RNF166: variants seen among roughly 807,000 people sequenced by gnomAD.
RNF166 encodes ring finger protein 166.
A neutral mutation model predicts 29.4 loss-of-function variants in RNF166; 19 were observed. The ratio of observed to expected loss-of-function variants is 0.65; its 90% CI spans 0.45 to 0.95. RNF166 has a LOEUF of 0.95. Ranked by LOEUF, RNF166 falls within the 40% of genes least tolerant of loss-of-function variation. The pLI, the probability that RNF166 is intolerant of heterozygous loss-of-function variation, is 0.00. For missense variants in RNF166, 347 were observed against 322.1 expected (o/e 1.08, Z -0.59); for synonymous variants, 171 against 134.5 (o/e 1.27, Z -1.88).
chr16:88,702,655 C>A, intron 1 of RNF166: 1 of 975,300 alleles, frequency 1.0e-6, no homozygotes. Context: ...GAGCCACCAC[C>A]TGGCTGGTGG....
chr16:88,700,385 T>C (rs991404281), intron 2 of RNF166, among the ~76,000 whole-genome samples: 1 of 152,072 alleles, frequency 6.6e-6, no homozygotes, highest in Non-Finnish European at 1.5e-5. Context: ...GTTCTGATCC[T>C]TTCTGGCTGC....
In RNF166 at chr16:88,706,278, C is replaced by T; in HGVS notation, c.48G>A (p.Pro16=). Residue 16 remains proline, a synonymous_variant, in exon 1 of 6, where the codon CCG becomes CCA. Coordinates refer to ENST00000312838, the MANE Select transcript of RNF166 (RefSeq NM_178841.4). The part of the protein sequence containing the change: ...SLVASAQQRQ[P]PAGPAGGDSG... ...TGTCGCCGCCCGCCGGCCCGGCCGG[C>T]GGCTGCCGCTGCTGAGCCGAGGCCA... The T allele has an allele frequency of 5.4e-6, 7 of 1,295,620 alleles. No homozygotes were observed. The highest frequency in any genetic ancestry group is 6.9e-6 in the Non-Finnish European group (7 of 1,020,722). 80.3% of individuals were successfully genotyped at this position (1,295,620 alleles called of 1,614,324 possible).
chr16:88,704,146 C>G (rs978776082), intron 1 of RNF166: 4 of 985,366 alleles, frequency 4.1e-6, no homozygotes, highest in Admixed American at 1.2e-4. Flanking sequence ...GGTTGGGGAG[C>G]TTGCGGAGGG....
chr16:88,700,969 C>T (rs1910155881), intron 2 of RNF166: 2 of 1,288,144 alleles, frequency 1.6e-6, no homozygotes, highest in African/African-American at 3.1e-5. Context: ...AGCTCAGCCC[C>T]CTGGTCCTTA....
At chr16:88,703,118 C>T (rs374759491) in intron 1 of RNF166, 32 of 985,410 alleles carry the variant, frequency 3.2e-5, no homozygotes, top group South Asian at 9.4e-5. Flanking sequence ...CCACCCGTGT[C>T]GTGGGGGTCC....
chr16:88,697,509 G>A lies in RNF166; in HGVS notation c.*59C>T. The A allele has an allele frequency of 7.7e-7, 1 of 1,298,552 alleles. No individual in the cohort carries two copies. Among genetic ancestry groups the A allele is most frequent in the Non-Finnish European group, 1.1e-6 (1 of 922,240 alleles). 80.4% of individuals were successfully genotyped at this position (1,298,552 alleles called of 1,614,324 possible). The stretch of plus-strand genomic sequence containing the variant: ...GTGCGCTCCCGAGCAGGTGCCAGGT[G>A]CGACACAGGAGCGGGGACATCCCTG... On this transcript the variant is annotated 3_prime_UTR_variant, in exon 6 of 6. Transcript: ENST00000312838.
chr16:88,702,355 A>G (rs1910332767), intron 1 of RNF166, among the ~76,000 whole-genome samples: 1 of 152,168 alleles, frequency 6.6e-6, no homozygotes, highest in Non-Finnish European at 1.5e-5. Flanking sequence ...CAGTCCCAGG[A>G]AGGCTACAGC....
intron 1 of RNF166, chr16:88,702,871 G>A (rs1421467847): frequency 3.0e-6 from 3 of 985,366 alleles, no homozygotes; most frequent in Admixed American, 6.1e-5. Flanking sequence ...TACTTCACCC[G>A]TTCACGGGAG....
At chr16:88,701,056 C>T in intron 2 of RNF166, 1 of 1,339,656 alleles carries the variant, frequency 7.5e-7, no homozygotes, top group Non-Finnish European at 9.9e-7. Flanking sequence ...CGGGCTGGCC[C>T]CCCCGTCAGC....
intron 2 of RNF166, among the ~76,000 whole-genome samples, chr16:88,700,263 C>T (rs960943265): frequency 1.3e-5 from 2 of 152,108 alleles, no homozygotes; most frequent in Admixed American, 6.5e-5. Context: ...TGCTGGACTC[C>T]GAGGGATGCA....
intron 1 of RNF166, among the ~76,000 whole-genome samples, chr16:88,705,189 G>C (rs1020625340): frequency 1.4e-4 from 21 of 152,176 alleles, no homozygotes. Context: ...ACCTCCGTGG[G>C]TGACCAGCAC....
Position 88,697,496 on chromosome 16 carries a change from GCAGGTGC to G in RNF166, c.*65_*71del, listed in dbSNP as rs1909745080. 6.1e-6 allele frequency: 7 copies of G among 1,146,806 alleles called. No homozygotes were observed. The East Asian group carries it at 1.6e-4, about 26-fold the overall frequency. The allele number at this position is 1,146,806 out of a possible 1,614,324, so 71.0% of individuals were successfully genotyped here. A position where few individuals can be genotyped will look rare whatever the true frequency, so the allele number is the denominator to read the frequency against. ...TCAGTCCGGTGAGGTGCGCTCCCGA[GCAGGTGC>G]CAGGTGCGACACAGGAGCGGGGACA... On this transcript the variant is annotated 3_prime_UTR_variant, in exon 6 of 6. Transcript: ENST00000312838.
At chr16:88,703,123 G>C (rs1021514722) in intron 1 of RNF166, 1 of 985,420 alleles carries the variant, frequency 1.0e-6, no homozygotes, top group African/African-American at 1.7e-5. Context: ...CGTGTCGTGG[G>C]GGTCCACTCA....
In RNF166 at chr16:88,698,520, G is replaced by A. The variant is rs1172933820; in HGVS notation, c.630C>T (p.Phe210=). 1 of 1,571,604 alleles carries A rather than the reference G, an allele frequency of 6.4e-7. No individual in the cohort carries two copies. Among genetic ancestry groups the A allele is most frequent in the Non-Finnish European group, 8.6e-7 (1 of 1,158,100 alleles). Residue 210 remains phenylalanine (F), a synonymous_variant, in exon 5 of 6, where the codon TTC becomes TTT. Coordinates refer to ENST00000312838, the MANE Select transcript of RNF166 (RefSeq NM_178841.4). ...FLQHLLHRHK[F]SYDTFVDYSI... is the part of the protein sequence containing the mutation. ...TGCCTACCACAAAGGTGTCGTAGGA[G>A]AACTTGTGTCGGTGAAGCAGGTGCT...
intron 2 of RNF166, 95 bp from the exon 3 acceptor site, chr16:88,699,827 T>G: frequency 6.3e-6 from 5 of 799,352 alleles, no homozygotes; most frequent in Non-Finnish European, 9.9e-6. Flanking sequence ...ACCAGAGAAC[T>G]GTAAGCAAGC....
At position 88,698,997 on chromosome 16, in the gene RNF166, T is replaced by C. The variant is rs1909927516; in HGVS notation, c.514A>G (p.Ser172Gly). The C allele has an allele frequency of 1.9e-6, 3 of 1,605,594 alleles. No individual in the cohort carries two copies. Among genetic ancestry groups the C allele is most frequent in the Non-Finnish European group, 2.5e-6 (3 of 1,176,646 alleles). Reference protein sequence around the residue: ...QQELVKHCVESHRSDPNRVVC... With the variant: ...QQELVKHCVEGHRSDPNRVVC... ...ACGCGGTTGGGGTCGCTGCGGTGGC[T>C]TTCCACACAGTGCTTCACCAGCTCC... is the stretch of plus-strand genomic sequence containing the variant. Residue 172 changes from serine to glycine, a missense_variant, in exon 4 of 6, where the codon AGC (serine) becomes GGC (glycine). Ser to Gly is a moderately conservative substitution (Grantham distance 56). Coordinates refer to ENST00000312838, the MANE Select transcript of RNF166 (RefSeq NM_178841.4).
chr16:88,701,325 C>T lies in RNF166; in HGVS notation c.249G>A (p.Lys83=). The T allele has an allele frequency of 6.2e-7, 1 of 1,613,620 alleles. No homozygotes were observed. The highest frequency in any genetic ancestry group is 8.5e-7 in the Non-Finnish European group (1 of 1,179,930). The change falls in exon 2 of 6, where the codon AAG becomes AAA. Residue 83 remains lysine (K), a synonymous_variant. Transcript: ENST00000312838. The part of the protein sequence containing the change: ...RLPFDPKKVD[K]ATHVEKQLSS... ...AGAGCTGCTTCTCCACGTGGGTGGCCTTGTCCACCTTCTTGGGGTCGAAGG... is the reference window on the plus strand; with the variant it reads ...AGAGCTGCTTCTCCACGTGGGTGGCTTTGTCCACCTTCTTGGGGTCGAAGG...
At chr16:88,698,169 G>C (rs933666679) in intron 5 of RNF166, 3 of 602,794 alleles carry the variant, frequency 5.0e-6, no homozygotes, top group Admixed American at 5.8e-5. Flanking sequence ...CGATGTTGAT[G>C]AAAGTCCTTC....
intron 1 of RNF166, among the ~76,000 whole-genome samples, chr16:88,702,182 T>C (rs1053876885): frequency 7.0e-5 from 3 of 42,608 alleles, no homozygotes; most frequent in African/African-American, 2.3e-4. Flanking sequence ...CACACAGCCC[T>C]TGGAGGGGTG....
Sources: allele counts gnomAD v4.1 joint callset (sites outside exome capture counted in the v4.1 genomes callset), GRCh38; gene constraint gnomAD v4.1.1; transcripts MANE v1.5; gene names NCBI Gene and HGNC (gene_info 2026-07-23, HGNC 2026-07-21).